The following CALN1 variants were observed in gnomAD, a reference collection of about 807,000 sequenced individuals.
The protein encoded by CALN1 is calcium-binding protein 8.
In CALN1, 17 loss-of-function variants were observed where a neutral mutation model predicts 30.6. The observed-to-expected ratio is 0.56, with a 90% CI of 0.38 to 0.83. CALN1 has a LOEUF of 0.83. Among genes scored for constraint, CALN1 ranks in the 40% least tolerant of loss-of-function variants. The pLI, the probability that CALN1 is intolerant of heterozygous loss-of-function variation, is 0.00. For synonymous variants in CALN1, 156 were observed against 131.4 expected, an observed-to-expected ratio of 1.19 and a Z score of -1.28; for missense variants, 291 against 354.9, an observed-to-expected ratio of 0.82 and a Z score of 1.45.
intron 5 of CALN1, among the ~76,000 whole-genome samples, chr7:71,825,005 A>C (rs1788828462): frequency 6.6e-6 from 1 of 152,210 alleles, no homozygotes; most frequent in Non-Finnish European, 1.5e-5. Flanking sequence ...TGACCAGGCC[A>C]AGCGAGGTCA....
Position 72,403,301 on chromosome 7 carries a change from G to T in CALN1, c.69C>A (p.Leu23=). The T allele has an allele frequency of 6.4e-7, 1 of 1,550,430 alleles. No homozygotes were observed. Among genetic ancestry groups the T allele is most frequent in the African/African-American group, 1.4e-5 (1 of 73,198 alleles). Residue 23 remains leucine, a synonymous_variant, in exon 2 of 7, where the codon CTC becomes CTA. Transcript: ENST00000395275. ...ENEKKGDGGA[L]GGGEEPPRSQ... is the part of the protein sequence containing the mutation. The stretch of plus-strand genomic sequence containing the variant: ...TCCTCGGCGGCTCCTCTCCCCCTCC[G>T]AGGGCTCCTCCGTCCCCCTTTTTCT...
At chr7:72,338,079 G>A (rs955993893) in intron 2 of CALN1, among the ~76,000 whole-genome samples, 1 of 152,122 alleles carries the variant, frequency 6.6e-6, no homozygotes, top group Non-Finnish European at 1.5e-5. Flanking sequence ...GTTTGTCTTG[G>A]CAAGAAAAAG....
intron 2 of CALN1, among the ~76,000 whole-genome samples, chr7:72,379,961 C>T (rs1352990400): frequency 1.3e-5 from 2 of 152,340 alleles, no homozygotes; most frequent in Non-Finnish European, 2.9e-5. Context: ...TTTTAATTCA[C>T]TACAACTCTT....
chr7:72,245,326 G>C lies in CALN1; in HGVS notation c.244+33360C>G, dbSNP rs550500802. On this transcript the variant is annotated intron_variant, in intron 3 of 6. Transcript: ENST00000395275. ...CTGTGATGTGACTCATTTTAAAGCT[G>C]TGTAAAGTGGGCCTGGGCACAGTGG... 4.6e-5 allele frequency among the ~76,000 whole-genome samples: 7 copies of C among 152,224 alleles called. No individual in the cohort carries two copies. The South Asian group carries it at 1.2e-3, about 27-fold the overall frequency.
At chr7:71,793,027 G>A (rs148311034) in intron 6 of CALN1, among the ~76,000 whole-genome samples, 226 of 152,190 alleles carry the variant, frequency 1.5e-3, no homozygotes, top group Non-Finnish European at 2.4e-3. Context: ...GAGCAGAGCC[G>A]GGTGCGGTGG....
intron 5 of CALN1, among the ~76,000 whole-genome samples, chr7:71,832,635 C>G (rs1789358089): frequency 6.6e-6 from 1 of 152,168 alleles, no homozygotes; most frequent in African/African-American, 2.4e-5. Flanking sequence ...CAGTCTTGCT[C>G]TGTCGCCAAG....
At chr7:72,465,968 G>C in the CALN1 span, among the ~76,000 whole-genome samples, 4 of 152,152 alleles carry the variant, frequency 2.6e-5, no homozygotes, top group African/African-American at 9.7e-5. Context: ...CTTGGGAAAG[G>C]AGAAAAGCAA....
intron 3 of CALN1, among the ~76,000 whole-genome samples, chr7:72,268,915 A>G (rs1269497936): frequency 2.0e-5 from 3 of 152,200 alleles, no homozygotes; most frequent in East Asian, 3.9e-4. Flanking sequence ...AGGCACAATA[A>G]AACTGAACCA....
chr7:72,173,556 C>T (rs983609401), intron 3 of CALN1, among the ~76,000 whole-genome samples: 4 of 152,290 alleles, frequency 2.6e-5, no homozygotes, highest in African/African-American at 9.6e-5. Context: ...GATCTCAAGA[C>T]TTATTCTGAA....
chr7:71,837,263 A>AG (rs892988754), intron 5 of CALN1, among the ~76,000 whole-genome samples: 1 of 150,534 alleles, frequency 6.6e-6, no homozygotes, highest in Non-Finnish European at 1.5e-5. Context: ...AAAAAAAAAA[A>AG]AAGCCACAAA....
At chr7:72,069,595 C>T (rs549872933) in intron 4 of CALN1, among the ~76,000 whole-genome samples, 15 of 152,282 alleles carry the variant, frequency 9.9e-5, no homozygotes, top group African/African-American at 1.7e-4. Flanking sequence ...TCAAATCTCC[C>T]TGTGCCTCCC....
At chr7:72,147,833 T>C (rs1786878440) in intron 3 of CALN1, among the ~76,000 whole-genome samples, 1 of 149,160 alleles carries the variant, frequency 6.7e-6, no homozygotes, top group Non-Finnish European at 1.5e-5. Context: ...TCATTCTCAG[T>C]AAACTATCGC....
chr7:72,322,049 C>T (rs1366799527), intron 2 of CALN1, among the ~76,000 whole-genome samples: 3 of 152,286 alleles, frequency 2.0e-5, no homozygotes, highest in Middle Eastern at 3.4e-3. Context: ...TTCCATTTAT[C>T]GTGCACTTTA....
chr7:72,301,392 G>A (rs1799251106), intron 2 of CALN1, among the ~76,000 whole-genome samples: 1 of 152,004 alleles, frequency 6.6e-6, no homozygotes, highest in Admixed American at 6.6e-5. Context: ...TGTATCACTT[G>A]AGGTCAGGAG....
intron 5 of CALN1, among the ~76,000 whole-genome samples, chr7:71,910,601 G>A (rs1326764041): frequency 1.3e-5 from 2 of 152,162 alleles, no homozygotes; most frequent in African/African-American, 4.8e-5. Context: ...GAAACTCACT[G>A]AGTCTAGAGA....
chr7:72,312,210 C>G (rs1049503995), intron 2 of CALN1, among the ~76,000 whole-genome samples: 18 of 151,988 alleles, frequency 1.2e-4, no homozygotes, highest in Non-Finnish European at 2.2e-4. Flanking sequence ...TCGAGACCAG[C>G]CTAGCCAACA....
chr7:72,206,992 T>A (rs1791932457), intron 3 of CALN1, among the ~76,000 whole-genome samples: 1 of 152,216 alleles, frequency 6.6e-6, no homozygotes, highest in African/African-American at 2.4e-5. Context: ...AGCTCCTCTA[T>A]CTTTGCTGTA....
intron 5 of CALN1, among the ~76,000 whole-genome samples, chr7:72,004,553 A>T (rs1351774436): frequency 6.6e-6 from 1 of 152,180 alleles, no homozygotes; most frequent in Non-Finnish European, 1.5e-5. Context: ...TCAAAATTAA[A>T]AGCTTTTGTT....
intron 6 of CALN1, among the ~76,000 whole-genome samples, chr7:71,810,112 A>C (rs1236232086): frequency 6.6e-6 from 1 of 152,180 alleles, no homozygotes; most frequent in Non-Finnish European, 1.5e-5. Context: ...AGACAGGGTC[A>C]GTGGAGATTC....
Sources: gnomAD v4.1 joint callset for allele counts (sites outside exome capture counted in the v4.1 genomes callset) on GRCh38, gnomAD v4.1.1 for gene constraint, MANE v1.5 for transcripts, NCBI Gene and HGNC (gene_info 2026-07-23, HGNC 2026-07-21) for gene names.